Variants in LINGO2 observed in about 807,000 individuals in gnomAD.
LINGO2 encodes the protein leucine-rich repeat and immunoglobulin-like domain-containing nogo receptor-interacting protein 2.
Under a neutral mutation model 30.6 loss-of-function variants are expected in LINGO2, and 14 were observed. The ratio of observed to expected loss-of-function variants is 0.46; its 90% CI spans 0.30 to 0.72. The LOEUF (loss-of-function observed/expected upper bound fraction) is 0.72. Ranked by LOEUF, LINGO2 falls within the 30% of genes least tolerant of loss-of-function variation. The probability of loss-of-function intolerance (pLI) is 0.07; values close to 1 mark genes in which losing one functional copy is unlikely to be tolerated. For missense variants in LINGO2, 729 were observed against 751.7 expected, an observed-to-expected ratio of 0.97 and a Z score of 0.35; for synonymous variants, 317 against 288.5, an observed-to-expected ratio of 1.10 and a Z score of -1.00.
the LINGO2 span, among the ~76,000 whole-genome samples, chr9:28,700,476 T>C: frequency 1.3e-5 from 2 of 152,084 alleles, no homozygotes; most frequent in South Asian, 4.1e-4. Flanking sequence ...CATTTCTTTT[T>C]AGAAATGAAT....
At chr9:28,866,856 G>T in the LINGO2 span, among the ~76,000 whole-genome samples, 1 of 152,002 alleles carries the variant, frequency 6.6e-6, no homozygotes, top group Non-Finnish European at 1.5e-5. Context: ...TCGTTGGTGG[G>T]GTCTTAAAGT....
intron 4 of LINGO2, among the ~76,000 whole-genome samples, chr9:28,231,439 A>T (rs191890638): frequency 2.0e-5 from 3 of 152,086 alleles, no homozygotes; most frequent in African/African-American, 7.2e-5. Flanking sequence ...ATAAATACTA[A>T]AGGATTCTTA....
the LINGO2 span, among the ~76,000 whole-genome samples, chr9:28,777,488 C>T: frequency 6.6e-6 from 1 of 152,132 alleles, no homozygotes; most frequent in Non-Finnish European, 1.5e-5. Flanking sequence ...TGAGGCGATA[C>T]AAGATCAGGT....
At chr9:28,212,700 T>C (rs1820633331) in intron 4 of LINGO2, among the ~76,000 whole-genome samples, 1 of 151,210 alleles carries the variant, frequency 6.6e-6, no homozygotes, top group South Asian at 2.1e-4. Context: ...TTAAGATAAA[T>C]AAAATTAAAT....
At chr9:27,985,069 G>T (rs138579129) in intron 5 of LINGO2, among the ~76,000 whole-genome samples, 28 of 151,902 alleles carry the variant, frequency 1.8e-4, no homozygotes, top group African/African-American at 6.5e-4. Flanking sequence ...TAGTTTAACA[G>T]TTTAGGTGTG....
At chr9:27,959,934 T>C (rs1391779047) in intron 5 of LINGO2, among the ~76,000 whole-genome samples, 4 of 152,178 alleles carry the variant, frequency 2.6e-5, no homozygotes, top group Non-Finnish European at 5.9e-5. Flanking sequence ...TTGGGTTTCA[T>C]GTATGTTAAA....
intron 1 of LINGO2, among the ~76,000 whole-genome samples, chr9:28,506,479 C>CAT (rs1262674322): frequency 0.011 from 125 of 11,290 alleles, no homozygotes; most frequent in Middle Eastern, 0.14. Flanking sequence ...CACACACACA[C>CAT]ATACACATAC....
rs139733114 is a variant in LINGO2 at position 27,978,393 on chromosome 9, C to A, written c.-35-27687G>T. ...GCAAAATTTATATGTTAAATCCTAA[C>A]CCCCAAGGTGATGGCATTTGGAGAT... On this transcript the variant is annotated intron_variant, in intron 5 of 5. Coordinates refer to ENST00000379992, the Ensembl canonical transcript of LINGO2. Among the ~76,000 whole-genome samples the A allele has an allele frequency of 8.2e-3, 1,243 of 152,138 alleles. 19 individuals carry two copies. The highest frequency in any genetic ancestry group is 0.028 in the African/African-American group (1,181 of 41,528).
chr9:28,155,619 T>A (rs918937047), intron 4 of LINGO2, among the ~76,000 whole-genome samples: 2 of 152,220 alleles, frequency 1.3e-5, no homozygotes, highest in Non-Finnish European at 2.9e-5. Context: ...TCTAACTGTT[T>A]ACAATTATGA....
At chr9:27,997,233 T>A (rs949853062) in intron 5 of LINGO2, among the ~76,000 whole-genome samples, 12 of 152,184 alleles carry the variant, frequency 7.9e-5, no homozygotes, top group Non-Finnish European at 1.6e-4. Flanking sequence ...ATTACCTACA[T>A]TTGTACCACC....
the LINGO2 span, among the ~76,000 whole-genome samples, chr9:29,197,458 C>G: frequency 4.0e-5 from 6 of 151,826 alleles, no homozygotes; most frequent in Admixed American, 3.9e-4. Flanking sequence ...ACATGAGGGA[C>G]TGTGAATCAG....
intron 1 of LINGO2, among the ~76,000 whole-genome samples, chr9:28,517,743 G>A (rs1052410593): frequency 1.3e-5 from 2 of 152,044 alleles, no homozygotes; most frequent in Non-Finnish European, 2.9e-5. Flanking sequence ...AGTACTTCTC[G>A]GCACAGGCTT....
chr9:29,175,615 G>A, the LINGO2 span, among the ~76,000 whole-genome samples: 11 of 144,194 alleles, frequency 7.6e-5, no homozygotes, highest in African/African-American at 1.0e-4. Flanking sequence ...CAACCTCCAC[G>A]TCCCGGGTTC....
intron 1 of LINGO2, among the ~76,000 whole-genome samples, chr9:28,614,082 A>C (rs929884642): frequency 2.3e-4 from 35 of 152,266 alleles, no homozygotes; most frequent in African/African-American, 7.9e-4. Context: ...ATTTATAATA[A>C]ATGAAAATGC....
At chr9:28,535,041 A>T (rs1201203216) in intron 1 of LINGO2, among the ~76,000 whole-genome samples, 1 of 152,088 alleles carries the variant, frequency 6.6e-6, no homozygotes, top group Non-Finnish European at 1.5e-5. Flanking sequence ...TTACTATTTG[A>T]CCCCGGAATT....
intron 2 of LINGO2, among the ~76,000 whole-genome samples, chr9:28,449,095 G>C (rs1450431114): frequency 6.8e-6 from 1 of 146,732 alleles, no homozygotes; most frequent in Non-Finnish European, 1.5e-5. Flanking sequence ...GATTTTATTT[G>C]GTTGTTTTAA....
intron 5 of LINGO2, among the ~76,000 whole-genome samples, chr9:27,959,906 T>A (rs1457917029): frequency 6.6e-6 from 1 of 152,184 alleles, no homozygotes. Flanking sequence ...TGTCTGCATA[T>A]TCCTAAGTTC....
chr9:27,983,407 C>T (rs148645673), intron 5 of LINGO2, among the ~76,000 whole-genome samples: 1 of 151,936 alleles, frequency 6.6e-6, no homozygotes, highest in African/African-American at 2.4e-5. Context: ...AAGTAGGACA[C>T]AGGGCATTGA....
chr9:28,815,781 G>A, the LINGO2 span, among the ~76,000 whole-genome samples: 10 of 152,068 alleles, frequency 6.6e-5, no homozygotes, highest in Admixed American at 1.3e-4. Flanking sequence ...GTGATTAATC[G>A]CATGTTATTA....
Sources: allele counts gnomAD v4.1 joint callset (sites outside exome capture counted in the v4.1 genomes callset), GRCh38; gene constraint gnomAD v4.1.1; transcripts MANE v1.5; gene names NCBI Gene and HGNC (gene_info 2026-07-23, HGNC 2026-07-21).